The following NWD1 variants were observed in gnomAD, a reference collection of about 807,000 sequenced individuals.
The protein encoded by NWD1 is NACHT domain- and WD repeat-containing protein 1.
NWD1 carries 129 observed loss-of-function variants against 135.1 expected under a neutral mutation model. That is an observed-to-expected ratio of 0.96 (90% CI 0.83 to 1.11). The LOEUF is 1.11. Among genes scored for constraint, NWD1 ranks in the 50% least tolerant of loss-of-function variants. NWD1 has a pLI of 0.00. For synonymous variants in NWD1, 773 were observed against 786.0 expected (o/e 0.98, Z 0.28); for missense variants, 1,740 against 1,851.3 (o/e 0.94, Z 1.10).
In NWD1 at chr19:16,814,019, A is replaced by G. The variant is rs187426943; in HGVS notation, c.4288-1009A>G. Among the ~76,000 whole-genome samples, 4 of 152,092 alleles carry G rather than the reference A, an allele frequency of 2.6e-5. No individual in the cohort carries two copies. In the East Asian group the frequency reaches 7.8e-4, roughly 29 times the overall value. On this transcript the variant is annotated intron_variant, in intron 18 of 18. Coordinates refer to ENST00000524140, the MANE Select transcript of NWD1 (RefSeq NM_001007525.5). ...AAAAAAAATTAAAAATTATCCAGGC[A>G]TGGTGGTACATGCTTGTAGTCCCAG...
At chr19:16,731,775 T>C (rs911157406) in intron 3 of NWD1, among the ~76,000 whole-genome samples, 2 of 151,198 alleles carry the variant, frequency 1.3e-5, no homozygotes, top group African/African-American at 2.4e-5. Context: ...CCTCTATCCA[T>C]ACTCTTTTAA....
intron 4 of NWD1, among the ~76,000 whole-genome samples, chr19:16,742,899 T>C (rs1323568001): frequency 6.9e-6 from 1 of 144,758 alleles, no homozygotes; most frequent in African/African-American, 2.5e-5. Context: ...ATTATTATTA[T>C]TATTATTATT....
chr19:16,759,144 C>A, intron 6 of NWD1, 81 bp from the exon 7 acceptor site: 2 of 1,200,748 alleles, frequency 1.7e-6, no homozygotes, highest in Non-Finnish European at 2.5e-6. Flanking sequence ...GTGGCTGTAT[C>A]CCTCCCTCTC....
intron 6 of NWD1, 107 bp from the exon 7 acceptor site, chr19:16,759,118 G>T (rs1968909076): frequency 2.3e-6 from 2 of 866,328 alleles, no homozygotes; most frequent in East Asian, 2.4e-5. Context: ...CAGGTGATGT[G>T]CTGGACACCG....
At chr19:16,738,000 GAAA>G (rs200750479) in intron 4 of NWD1, among the ~76,000 whole-genome samples, 1 of 139,950 alleles carries the variant, frequency 7.1e-6, no homozygotes, top group Non-Finnish European at 1.6e-5. Flanking sequence ...GAAAAGAAAA[GAAA>G]AGAAAAGAAA....
chr19:16,771,651 C>T (rs954346157), intron 10 of NWD1, among the ~76,000 whole-genome samples: 5 of 152,118 alleles, frequency 3.3e-5, no homozygotes, highest in Admixed American at 1.3e-4. Flanking sequence ...CAGCAAGTTC[C>T]CTGCAAAGCC....
At chr19:16,810,305 G>A (rs1970884542) in intron 18 of NWD1, among the ~76,000 whole-genome samples, 1 of 152,012 alleles carries the variant, frequency 6.6e-6, no homozygotes, top group Non-Finnish European at 1.5e-5. Flanking sequence ...CTGCATGGTG[G>A]TATGTGCCTG....
At chr19:16,725,963 T>TG (rs1967313236) in intron 2 of NWD1, among the ~76,000 whole-genome samples, 1 of 131,564 alleles carries the variant, frequency 7.6e-6, no homozygotes, top group South Asian at 2.5e-4. Flanking sequence ...TTTGTTTGTT[T>TG]TTTTTTGCTT....
chr19:16,798,308 T>A (rs1970487691), intron 16 of NWD1, among the ~76,000 whole-genome samples: 1 of 152,124 alleles, frequency 6.6e-6, no homozygotes. Context: ...TTTTTCCAGT[T>A]TTAAAGAAAT....
Position 16,791,598 on chromosome 19 carries a change from G to T in NWD1, c.3189G>T (p.Gly1063=). 6.2e-7 allele frequency: 1 copy of T among 1,614,152 alleles called. No individual in the cohort carries two copies. Among genetic ancestry groups the T allele is most frequent in the Non-Finnish European group, 8.5e-7 (1 of 1,180,024 alleles). The part of the protein sequence containing the change: ...SVQKQGKLVT[G]FSNGSISLVS... ...AGAAGCAAGGAAAGCTTGTTACCGGGTTTAGCAATGGCTCCATCTCTTTGG... is the reference window on the plus strand; with the variant it reads ...AGAAGCAAGGAAAGCTTGTTACCGGTTTTAGCAATGGCTCCATCTCTTTGG... Residue 1063 remains glycine, a synonymous_variant, in exon 14 of 19, where the codon GGG becomes GGT. Transcript: ENST00000524140.
chr19:16,782,109 A>G (rs201556939), intron 12 of NWD1, among the ~76,000 whole-genome samples: 4 of 129,096 alleles, frequency 3.1e-5, no homozygotes, highest in African/African-American at 9.3e-5. Context: ...AAAAAAAAAG[A>G]AAAAAAAAAA....
intron 5 of NWD1, among the ~76,000 whole-genome samples, chr19:16,745,656 C>T (rs1281658510): frequency 1.3e-5 from 2 of 152,058 alleles, no homozygotes; most frequent in East Asian, 3.8e-4. Context: ...AGGAGGATTG[C>T]TTGAGCCCAG....
rs374530936 is a variant in NWD1, at chr19:16,789,676, C to A, written c.2940+486C>A. Among the ~76,000 whole-genome samples the A allele has an allele frequency of 2.0e-4, 30 of 148,036 alleles. 1 individual carries two copies. The highest frequency in any genetic ancestry group is 2.0e-3 in the East Asian group (10 of 5,076). On this transcript the variant is annotated intron_variant, in intron 13 of 18. Transcript: ENST00000524140. ...TTGATGATGTAAAACCTTTCAAATT[C>A]ATTGAGACTTCTTTTATAGTCTCTC...
chr19:16,761,469 G>C lies in NWD1; in HGVS notation c.1974-510G>C, dbSNP rs536699213. 5.9e-4 allele frequency among the ~76,000 whole-genome samples: 90 copies of C among 152,048 alleles called. 1 individual carries two copies. Among genetic ancestry groups the C allele is most frequent in the South Asian group, 1.2e-3 (6 of 4,808 alleles). On this transcript the variant is annotated intron_variant, in intron 7 of 18. Transcript: ENST00000524140. ...TCAGCTCACTGCAACCTCCACCTGG[G>C]AGGAGTGATTCTCCTGCCTCAGCCT...
intron 4 of NWD1, among the ~76,000 whole-genome samples, chr19:16,741,349 TG>T (rs934092498): frequency 2.0e-5 from 3 of 148,496 alleles, no homozygotes; most frequent in Non-Finnish European, 4.4e-5. Flanking sequence ...TTGGTTTTTT[TG>T]TTTTGTTTTG....
intron 7 of NWD1, among the ~76,000 whole-genome samples, chr19:16,761,543 A>G (rs962184703): frequency 2.5e-4 from 38 of 150,196 alleles, no homozygotes; most frequent in African/African-American, 9.0e-4. Context: ...TCTTTTTTTT[A>G]GTACAGACAG....
At chr19:16,722,578 T>G (rs1599411575) in intron 1 of NWD1, among the ~76,000 whole-genome samples, 1 of 151,890 alleles carries the variant, frequency 6.6e-6, no homozygotes. Context: ...TGTGAGCCAC[T>G]GTGCCTGGCC....
At chr19:16,762,222 C>T (rs751766162) in intron 8 of NWD1, 84 bp downstream of exon 8, 163 of 1,258,554 alleles carry the variant, frequency 1.3e-4, no homozygotes, top group Admixed American at 2.7e-4. Context: ...CCTTTTTGCA[C>T]TCGAAATGTC....
chr19:16,749,752 G>C lies in NWD1; in HGVS notation c.1110G>C (p.Leu370=). 6.2e-7 allele frequency: 1 copy of C among 1,607,426 alleles called. No individual in the cohort carries two copies. The highest frequency in any genetic ancestry group is 8.5e-7 in the Non-Finnish European group (1 of 1,176,284). ...RLLGHKTVTV[L]RLLGTSQMSS... ...TGGGGCACAAGACAGTGACCGTCCT[G>C]CGGCTGCTGGGGACGTCACAAATGA... is the stretch of plus-strand genomic sequence containing the variant. Residue 370 remains leucine, a synonymous_variant, in exon 6 of 19, where the codon CTG becomes CTC. Transcript: ENST00000524140.
Sources: allele counts gnomAD v4.1 joint callset (sites outside exome capture counted in the v4.1 genomes callset), GRCh38; gene constraint gnomAD v4.1.1; transcripts MANE v1.5; gene names NCBI Gene and HGNC (gene_info 2026-07-23, HGNC 2026-07-21).